The following RGS22 variants were observed in gnomAD, a reference collection of about 807,000 sequenced individuals.
RGS22 encodes regulator of G protein signaling 22, also known as regulator of G-protein signaling 22.
In RGS22, 148 loss-of-function variants were observed where a neutral mutation model predicts 172.9. That is an observed-to-expected ratio of 0.86 (90% CI 0.75 to 0.98). The LOEUF (loss-of-function observed/expected upper bound fraction) is 0.98. Ranked by LOEUF, RGS22 falls within the 50% of genes least tolerant of loss-of-function variation. The pLI, the probability that RGS22 is intolerant of heterozygous loss-of-function variation, is 0.00. For missense variants in RGS22, 1,347 were observed against 1,440.8 expected (o/e 0.93, Z 1.05); for synonymous variants, 458 against 480.2 (o/e 0.95, Z 0.60).
At chr8:100,018,186 G>T (rs551227914) in intron 14 of RGS22, among the ~76,000 whole-genome samples, 3 of 148,606 alleles carry the variant, frequency 2.0e-5, no homozygotes, top group African/African-American at 7.5e-5. Context: ...ACCTGTGCCT[G>T]TGACTCACTT....
At chr8:100,020,579 T>G (rs1455460203) in intron 14 of RGS22, among the ~76,000 whole-genome samples, 1 of 152,214 alleles carries the variant, frequency 6.6e-6, no homozygotes, top group African/African-American at 2.4e-5. Flanking sequence ...ATGCTTTTCT[T>G]GTTATTACTT....
Position 100,041,823 on chromosome 8 carries a change from G to GT in RGS22, c.1916dup (p.Tyr639Ter), listed in dbSNP as rs755310737. Reference protein sequence around the residue: ...ECLKPQLDRRYAYTEEPRVKT... With the variant: ...ECLKPQLDRR ...TCACCCTAGGTTCTTCTGTATAAGC[G>GT]TATCTTCTATCCAGCTGGGGCTTGA... The change falls in exon 12 of 28, where the codon TAC becomes TAAC. Residue 639 changes from tyrosine (Y) to a stop codon, truncating the protein, a stop_gained and frameshift_variant. Coordinates refer to ENST00000360863, the MANE Select transcript of RGS22 (RefSeq NM_015668.5). LOFTEE classifies it high-confidence loss of function. 6.2e-6 allele frequency: 10 copies of GT among 1,607,634 alleles called. No homozygotes were observed. The Admixed American group carries it at 8.3e-5, about 13-fold the overall frequency.
At chr8:100,010,713 A>G (rs1721733487) in intron 14 of RGS22, among the ~76,000 whole-genome samples, 1 of 152,144 alleles carries the variant, frequency 6.6e-6, no homozygotes, top group African/African-American at 2.4e-5. Flanking sequence ...TGCCATAAAC[A>G]TTTATTAAAT....
intron 20 of RGS22, among the ~76,000 whole-genome samples, chr8:99,989,388 T>A (rs1459735335): frequency 1.3e-5 from 2 of 152,220 alleles, no homozygotes; most frequent in Non-Finnish European, 2.9e-5. Context: ...ATGATAGTTA[T>A]CTTAATTCTT....
At chr8:100,054,070 A>G (rs1056033920) in intron 9 of RGS22, among the ~76,000 whole-genome samples, 7 of 152,242 alleles carry the variant, frequency 4.6e-5, no homozygotes, top group Non-Finnish European at 8.8e-5. Flanking sequence ...CATTACTGAC[A>G]GAAACTTAGG....
At chr8:99,981,434 C>T (rs1812536101) in intron 22 of RGS22, among the ~76,000 whole-genome samples, 2 of 151,856 alleles carry the variant, frequency 1.3e-5, no homozygotes, top group East Asian at 1.9e-4. Flanking sequence ...AAAGGAATTA[C>T]CAATAGTGGA....
chr8:99,977,031 C>T (rs566170756), intron 23 of RGS22, among the ~76,000 whole-genome samples: 15 of 152,064 alleles, frequency 9.9e-5, no homozygotes, highest in East Asian at 1.9e-4. Context: ...AATGAATGAA[C>T]GGACAGATAG....
intron 14 of RGS22, among the ~76,000 whole-genome samples, chr8:100,015,570 A>G (rs971221860): frequency 6.6e-6 from 1 of 152,084 alleles, no homozygotes; most frequent in Non-Finnish European, 1.5e-5. Context: ...TGGGATTACA[A>G]GTGTGAGCCA....
intron 3 of RGS22, among the ~76,000 whole-genome samples, chr8:100,084,492 T>C (rs1812022673): frequency 1.3e-5 from 2 of 152,214 alleles, no homozygotes; most frequent in African/African-American, 2.4e-5. Context: ...GCATGCAATG[T>C]TTCTATTTAT....
At chr8:100,002,113 A>C in intron 18 of RGS22, 89 bp downstream of exon 18, 1 of 1,008,478 alleles carries the variant, frequency 9.9e-7, no homozygotes, top group Non-Finnish European at 1.4e-6. Context: ...AAGAAAATAA[A>C]ATAAGAGACT....
In RGS22 at chr8:99,962,677, G is replaced by A; in HGVS notation, c.3790+10C>T. 1 of 1,592,768 alleles carries A rather than the reference G, an allele frequency of 6.3e-7. No individual in the cohort carries two copies. The highest frequency in any genetic ancestry group is 1.7e-4 in the Middle Eastern group (1 of 5,946). ...GAAACAACTGAAGATAGACTACACT[G>A]GAAACTCACTCTGGCTGCTGTGGGC... On this transcript the variant is annotated intron_variant, in intron 26 of 27. Transcript: ENST00000360863.
chr8:100,025,091 T>G (rs1818036962), intron 14 of RGS22, among the ~76,000 whole-genome samples: 1 of 152,160 alleles, frequency 6.6e-6, no homozygotes, highest in African/African-American at 2.4e-5. Context: ...TTCAAAAATC[T>G]TAAGACTCTA....
chr8:100,072,109 T>C (rs1811027863), intron 5 of RGS22, 36 bp downstream of exon 5: 3 of 1,214,122 alleles, frequency 2.5e-6, no homozygotes, highest in Non-Finnish European at 3.6e-6. Flanking sequence ...AATATATATG[T>C]ATTTAAAAAT....
chr8:100,071,669 C>G, intron 5 of RGS22, 132 bp from the exon 6 acceptor site: 3 of 558,080 alleles, frequency 5.4e-6, no homozygotes, highest in Non-Finnish European at 6.0e-6. Flanking sequence ...TTTGGCTCTG[C>G]TAAAATTAAT....
At chr8:100,010,844 A>T (rs1816300139) in intron 14 of RGS22, among the ~76,000 whole-genome samples, 1 of 148,848 alleles carries the variant, frequency 6.7e-6, no homozygotes, top group African/African-American at 2.5e-5. Context: ...GGGTCTTGCT[A>T]TGTTGCTCAG....
chr8:100,050,053 AAAAAAAAAAAAGG>A (rs1821120935), intron 10 of RGS22, among the ~76,000 whole-genome samples: 1 of 150,866 alleles, frequency 6.6e-6, no homozygotes, highest in African/African-American at 2.4e-5. Flanking sequence ...CCATCTCCAA[AAAAAAAAAAAAGG>A]AAAAAAAGAA....
chr8:100,024,898 G>GA (rs1216894567), intron 14 of RGS22, among the ~76,000 whole-genome samples: 1 of 151,970 alleles, frequency 6.6e-6, no homozygotes, highest in Non-Finnish European at 1.5e-5. Context: ...TATTACCACA[G>GA]AACCTAACAG....
rs71274949 is a variant in RGS22, at chr8:100,016,978, C to CTTT, written c.2167-8412_2167-8410dup. Among the ~76,000 whole-genome samples the CTTT allele has an allele frequency of 4.2e-4, 15 of 36,132 alleles. 5 individuals are homozygous for CTTT. The highest frequency in any genetic ancestry group is 8.8e-4 in the East Asian group (1 of 1,134). The allele number at this position is 36,132 out of a possible 152,430, so 23.7% of individuals were successfully genotyped here. ...CCTACATCCCTGATTCCTTACCAGT[C>CTTT]TTTTTTTTTTTTTTTTTTTTTTTTT... On this transcript the variant is annotated intron_variant, in intron 14 of 27. Coordinates refer to ENST00000360863, the MANE Select transcript of RGS22 (RefSeq NM_015668.5).
chr8:100,026,634 T>A (rs549822872), intron 14 of RGS22, among the ~76,000 whole-genome samples: 2 of 152,282 alleles, frequency 1.3e-5, no homozygotes, highest in African/African-American at 4.8e-5. Context: ...AGCTGTCATA[T>A]CATTGGGTGG....
Sources: allele counts gnomAD v4.1 joint callset (sites outside exome capture counted in the v4.1 genomes callset), GRCh38; gene constraint gnomAD v4.1.1; transcripts MANE v1.5; gene names NCBI Gene and HGNC (gene_info 2026-07-23, HGNC 2026-07-21).